PEX3: variants seen among roughly 807,000 people sequenced by gnomAD.
PEX3 encodes the protein peroxin-3.
A neutral mutation model predicts 55.8 loss-of-function variants in PEX3; 30 were observed. The observed-to-expected ratio is 0.54, with a 90% CI of 0.40 to 0.73. The LOEUF (loss-of-function observed/expected upper bound fraction) is 0.73, where lower values mean the gene tolerates loss of function less well. Among genes scored for constraint, PEX3 ranks in the 30% least tolerant of loss-of-function variants. The probability of loss-of-function intolerance (pLI) is 0.00; values close to 1 mark genes in which losing one functional copy is unlikely to be tolerated. For missense variants in PEX3, 351 were observed against 432.8 expected, an observed-to-expected ratio of 0.81 and a Z score of 1.68; for synonymous variants, 135 against 148.4, an observed-to-expected ratio of 0.91 and a Z score of 0.66.
chr6:143,471,293 T>G lies in PEX3; in HGVS notation c.457-90T>G. The G allele has an allele frequency of 8.5e-7, 1 of 1,179,190 alleles. No homozygotes were observed. Among genetic ancestry groups the G allele is most frequent in the South Asian group, 1.3e-5 (1 of 76,916 alleles). The allele number at this position is 1,179,190 out of a possible 1,614,324, so 73.0% of individuals were successfully genotyped here. The stretch of plus-strand genomic sequence containing the variant: ...CTATTTTTCCCGTCATTTCAGATCT[T>G]GAAAAATCTCAGCCAAAGTTTTATT... On this transcript the variant is annotated intron_variant, in intron 5 of 11. Coordinates refer to ENST00000367591, the MANE Select transcript of PEX3 (RefSeq NM_003630.3). The surrounding 1 kb of genome is among the most constrained non-coding windows in gnomAD (Gnocchi z 5.4).
chr6:143,454,240 A>G lies in PEX3; in HGVS notation c.73+3125A>G, dbSNP rs891430582. 2.0e-5 allele frequency among the ~76,000 whole-genome samples: 3 copies of G among 152,178 alleles called. No homozygotes were observed. Among genetic ancestry groups the G allele is most frequent in the African/African-American group, 7.2e-5 (3 of 41,444 alleles). On this transcript the variant is annotated intron_variant, in intron 1 of 11. Transcript: ENST00000367591. This position sits in a 1 kb window ranked among gnomAD's most constrained non-coding sequence, Gnocchi z 4.3. ...TAACCTCTCAATTACTCCACTGTATACGCATGAGAGAATGAGAATGAAAAA... is the reference window on the plus strand; with the variant it reads ...TAACCTCTCAATTACTCCACTGTATGCGCATGAGAGAATGAGAATGAAAAA...
rs1322741104 is a variant in PEX3, at chr6:143,479,023, T to C, written c.819-53T>C. ...GTAACCACGTTATTACTGAATTTGTTTTCTCTTCCATTCAGAGTCTAAAAA... is the reference window on the plus strand; with the variant it reads ...GTAACCACGTTATTACTGAATTTGTCTTCTCTTCCATTCAGAGTCTAAAAA... On this transcript the variant is annotated intron_variant, in intron 9 of 11. Coordinates refer to ENST00000367591, the MANE Select transcript of PEX3 (RefSeq NM_003630.3). This position sits in a 1 kb window ranked among gnomAD's most constrained non-coding sequence, Gnocchi z 4.6. 1 of 1,179,142 alleles carries C rather than the reference T, an allele frequency of 8.5e-7. No homozygotes were observed. The highest frequency in any genetic ancestry group is 1.5e-5 in the African/African-American group (1 of 66,342). 73.0% of individuals were successfully genotyped at this position (1,179,142 alleles called of 1,614,324 possible).
chr6:143,463,141 A>C lies in PEX3; in HGVS notation c.287+144A>C. On this transcript the variant is annotated intron_variant, in intron 3 of 11. Coordinates refer to ENST00000367591, the MANE Select transcript of PEX3 (RefSeq NM_003630.3). This position sits in a 1 kb window ranked among gnomAD's most constrained non-coding sequence, Gnocchi z 5.7. ...CAGTAAGAAAAATACTAACTATATCATTTAACCTACATTTAATTTTGTCTA... is the reference window on the plus strand; with the variant it reads ...CAGTAAGAAAAATACTAACTATATCCTTTAACCTACATTTAATTTTGTCTA... 1 of 664,358 alleles carries C rather than the reference A, an allele frequency of 1.5e-6. No homozygotes were observed. Among genetic ancestry groups the C allele is most frequent in the Non-Finnish European group, 2.7e-6 (1 of 370,608 alleles). The allele number at this position is 664,358 out of a possible 1,614,324, so 41.2% of individuals were successfully genotyped here. A position where few individuals can be genotyped will look rare whatever the true frequency, so the allele number is the denominator to read the frequency against.
intron 1 of PEX3, among the ~76,000 whole-genome samples, chr6:143,456,854 T>C (rs914300028): frequency 7.9e-5 from 12 of 152,326 alleles, no homozygotes; most frequent in Admixed American, 7.8e-4. Context: ...TACTCTGTAA[T>C]GTTCACATTC....
rs558649312 is a variant in PEX3 at position 143,487,412 on chromosome 6, G to A, written c.1039-1731G>A. Reference sequence around the variant, plus strand: ...TTATGGCTGCTTTTGCACTACAATGGTAGTATTTCTCAGATTTGTCCATAC... The same window carrying A: ...TTATGGCTGCTTTTGCACTACAATGATAGTATTTCTCAGATTTGTCCATAC... On this transcript the variant is annotated intron_variant, in intron 11 of 11. Transcript: ENST00000367591. This position sits in a 1 kb window ranked among gnomAD's most constrained non-coding sequence, Gnocchi z 5.3. 2.1e-4 allele frequency among the ~76,000 whole-genome samples: 32 copies of A among 152,162 alleles called. No homozygotes were observed. The highest frequency in any genetic ancestry group is 4.6e-4 in the Admixed American group (7 of 15,268).
Position 143,463,708 on chromosome 6 carries a change from T to C in PEX3, c.287+711T>C, listed in dbSNP as rs1222327339. 6.6e-6 allele frequency among the ~76,000 whole-genome samples: 1 copy of C among 152,182 alleles called. No homozygotes were observed. The highest frequency in any genetic ancestry group is 1.5e-5 in the Non-Finnish European group (1 of 68,008). ...ATTGTGGCCTTCCTAAAATAATCACTTGCCTTTAATCACCCTTCAAATAGC... is the reference window on the plus strand; with the variant it reads ...ATTGTGGCCTTCCTAAAATAATCACCTGCCTTTAATCACCCTTCAAATAGC... On this transcript the variant is annotated intron_variant, in intron 3 of 11. Coordinates refer to ENST00000367591, the MANE Select transcript of PEX3 (RefSeq NM_003630.3). The surrounding 1 kb of genome is among the most constrained non-coding windows in gnomAD (Gnocchi z 5.7).
Position 143,471,377 on chromosome 6 carries a change from A to T in PEX3, c.457-6A>T. 1.3e-6 allele frequency: 2 copies of T among 1,589,968 alleles called. No homozygotes were observed. Among genetic ancestry groups the T allele is most frequent in the Non-Finnish European group, 1.7e-6 (2 of 1,158,470 alleles). On this transcript the variant is annotated splice_polypyrimidine_tract_variant and splice_region_variant and intron_variant, in intron 5 of 11. Coordinates refer to ENST00000367591, the MANE Select transcript of PEX3 (RefSeq NM_003630.3). The surrounding 1 kb of genome is among the most constrained non-coding windows in gnomAD (Gnocchi z 5.4). ...GATAATTGAACTGTATTTCTGTTTTATACAGACAATTCTTGCTCCCCCAGA... is the reference window on the plus strand; with the variant it reads ...GATAATTGAACTGTATTTCTGTTTTTTACAGACAATTCTTGCTCCCCCAGA...
At chr6:143,474,915 ATTT>A (rs1174141113) in intron 9 of PEX3, 59 bp downstream of exon 9, 9 of 917,584 alleles carry the variant, frequency 9.8e-6, no homozygotes, top group Admixed American at 1.7e-5. Context: ...ACTTGAGACT[ATTT>A]TTTAGTTTTT....
chr6:143,465,782 G>A lies in PEX3; in HGVS notation c.288-2340G>A, dbSNP rs1009053277. 5.3e-5 allele frequency among the ~76,000 whole-genome samples: 8 copies of A among 151,984 alleles called. No homozygotes were observed. The highest frequency in any genetic ancestry group is 1.9e-4 in the African/African-American group (8 of 41,416). ...TACTCAACACATTTTCTGAACCTGT[G>A]CCATCTAGGAAAGAGGTAACTGAAA... On this transcript the variant is annotated intron_variant, in intron 3 of 11. Coordinates refer to ENST00000367591, the MANE Select transcript of PEX3 (RefSeq NM_003630.3). This position sits in a 1 kb window ranked among gnomAD's most constrained non-coding sequence, Gnocchi z 4.7.
Position 143,459,329 on chromosome 6 carries a change from C to A in PEX3, c.205+113C>A. The stretch of plus-strand genomic sequence containing the variant: ...GGCAAAGAAAAGATGGTAAATCTAG[C>A]AAGTGTTTGAATGATTTAACTGAAT... On this transcript the variant is annotated intron_variant, in intron 2 of 11. Transcript: ENST00000367591. The surrounding 1 kb of genome is among the most constrained non-coding windows in gnomAD (Gnocchi z 4.2). 1.1e-6 allele frequency: 1 copy of A among 889,636 alleles called. No homozygotes were observed. Among genetic ancestry groups the A allele is most frequent in the Non-Finnish European group, 1.9e-6 (1 of 534,800 alleles). The allele number at this position is 889,636 out of a possible 1,614,324, so 55.1% of individuals were successfully genotyped here.
At chr6:143,460,602 C>T (rs1425061122) in intron 2 of PEX3, among the ~76,000 whole-genome samples, 7 of 152,094 alleles carry the variant, frequency 4.6e-5, no homozygotes, top group Admixed American at 4.6e-4. Flanking sequence ...TGGTGGCTCA[C>T]GCCTGTAATC....
chr6:143,471,085 T>C lies in PEX3; in HGVS notation c.456T>C (p.Thr152=), dbSNP rs1045370493. The change falls in exon 5 of 12, where the codon ACT becomes ACC. Residue 152 remains threonine, a splice_region_variant and synonymous_variant. Transcript: ENST00000367591. This position sits in a 1 kb window ranked among gnomAD's most constrained non-coding sequence, Gnocchi z 5.4. ...ATGCAGCAGTTGGCAAAAATGGCACTGTAAGTTTAATAGACTTAAATAGAC... is the reference window on the plus strand; with the variant it reads ...ATGCAGCAGTTGGCAAAAATGGCACCGTAAGTTTAATAGACTTAAATAGAC... The part of the protein sequence containing the change: ...LDNAAVGKNG[T]TILAPPDVQQ... 3 of 1,613,192 alleles carry C rather than the reference T, an allele frequency of 1.9e-6. No homozygotes were observed. Among genetic ancestry groups the C allele is most frequent in the Non-Finnish European group, 2.5e-6 (3 of 1,179,400 alleles).
chr6:143,461,479 C>T (rs973653089), intron 2 of PEX3, among the ~76,000 whole-genome samples: 2 of 151,926 alleles, frequency 1.3e-5, no homozygotes, highest in African/African-American at 4.8e-5. Flanking sequence ...GCTTTCTGCA[C>T]ATTCTGCATT....
chr6:143,457,880 G>A (rs1268619733), intron 1 of PEX3, among the ~76,000 whole-genome samples: 1 of 152,176 alleles, frequency 6.6e-6, no homozygotes, highest in African/African-American at 2.4e-5. Flanking sequence ...TGTAGGATTT[G>A]GTTGGCTACC....
chr6:143,471,583 A>G lies in PEX3; in HGVS notation c.550A>G (p.Lys184Glu), dbSNP rs1228222339. Residue 184 changes from lysine to glutamate, a missense_variant, in exon 7 of 12, where the codon AAA (lysine) becomes GAA (glutamate). Lys to Glu is a moderately conservative substitution (Grantham distance 56). Transcript: ENST00000367591. This position sits in a 1 kb window ranked among gnomAD's most constrained non-coding sequence, Gnocchi z 5.4. Reference protein sequence around the residue: ...DGLTELITVIKQAVQKVLGSV... With the variant: ...DGLTELITVIEQAVQKVLGSV... ...CCTGACAGAATTGATCACTGTCATT[A>G]AACAAGCTGTGCAGAAGGTTTTAGG... is the stretch of plus-strand genomic sequence containing the variant. 2.5e-6 allele frequency: 4 copies of G among 1,612,690 alleles called. No homozygotes were observed. The highest frequency in any genetic ancestry group is 2.2e-5 in the East Asian group (1 of 44,788).
In PEX3 at chr6:143,451,049, A is replaced by G. The variant is rs779403874; in HGVS notation, c.7A>G (p.Arg3Gly). The change falls in exon 1 of 12, where the codon AGG (arginine) becomes GGG (glycine). Residue 3 changes from arginine to glycine, a missense_variant. Arg to Gly is a moderately radical substitution (Grantham distance 125). Coordinates refer to ENST00000367591, the MANE Select transcript of PEX3 (RefSeq NM_003630.3). The surrounding 1 kb of genome is among the most constrained non-coding windows in gnomAD (Gnocchi z 4.1). ML[R>G]SVWNFLKRHK... ...ACACCCCTAGGGCCTAAAGATGCTG[A>G]GGTCTGTATGGAATTTTCTGAAACG... The G allele has an allele frequency of 1.2e-6, 2 of 1,612,256 alleles. No individual in the cohort carries two copies. The highest frequency in any genetic ancestry group is 2.2e-5 in the South Asian group (2 of 91,042).
At position 143,466,096 on chromosome 6, in the gene PEX3, T is replaced by C. The variant is rs1451266517; in HGVS notation, c.288-2026T>C. Among the ~76,000 whole-genome samples, 1 of 152,100 alleles carries C rather than the reference T, an allele frequency of 6.6e-6. No individual in the cohort carries two copies. Among genetic ancestry groups the C allele is most frequent in the Non-Finnish European group, 1.5e-5 (1 of 67,942 alleles). ...AAAGCACTAAACTACCTCCACATAG[T>C]ACATCCATACAATGGTGTACTACAC... On this transcript the variant is annotated intron_variant, in intron 3 of 11. Transcript: ENST00000367591. This position sits in a 1 kb window ranked among gnomAD's most constrained non-coding sequence, Gnocchi z 5.4.
At chr6:143,473,624 G>A (rs192626691) in intron 8 of PEX3, among the ~76,000 whole-genome samples, 102 of 152,256 alleles carry the variant, frequency 6.7e-4, no homozygotes, top group African/African-American at 2.3e-3. Flanking sequence ...AAAAAGCATA[G>A]GAGGTTGACG....
chr6:143,451,245 G>A lies in PEX3; in HGVS notation c.73+130G>A, dbSNP rs1276911931. ...GAGGGAGTTCGATCAACCATGGGAT[G>A]AAAAGGGAGGTGGCCAACCTCCAGG... On this transcript the variant is annotated intron_variant, in intron 1 of 11. Coordinates refer to ENST00000367591, the MANE Select transcript of PEX3 (RefSeq NM_003630.3). This position sits in a 1 kb window ranked among gnomAD's most constrained non-coding sequence, Gnocchi z 4.1. 1.3e-6 allele frequency: 1 copy of A among 754,070 alleles called. No individual in the cohort carries two copies. The allele number at this position is 754,070 out of a possible 1,614,324, so 46.7% of individuals were successfully genotyped here. A position where few individuals can be genotyped will look rare whatever the true frequency, so the allele number is the denominator to read the frequency against.
Sources: allele counts gnomAD v4.1 joint callset (sites outside exome capture counted in the v4.1 genomes callset), GRCh38; gene constraint gnomAD v4.1.1; non-coding constraint Gnocchi (gnomAD v3.1); transcripts MANE v1.5; gene names NCBI Gene and HGNC (gene_info 2026-07-23, HGNC 2026-07-21).